Variants in OR2C3 observed in about 807,000 individuals in gnomAD.
The protein encoded by OR2C3 is olfactory receptor 2C3.
For missense variants in OR2C3, 425 were observed against 401.5 expected (o/e 1.06, Z -0.50); for synonymous variants, 178 against 163.4 (o/e 1.09, Z -0.68).
Position 247,531,736 on chromosome 1 carries a change from A to C in OR2C3, c.776T>G (p.Met259Arg), listed in dbSNP as rs770566998. ...GGTGCTCTTGGCTGGCTGGAGATACATGAAGATGATGCTCCCGTAAAACAG... is the reference window on the plus strand; with the variant it reads ...GGTGCTCTTGGCTGGCTGGAGATACCTGAAGATGATGCTCCCGTAAAACAG... ...VSLFYGSIIF[M>R]YLQPAKSTSH... The change falls in exon 3 of 3, where the codon ATG (methionine) becomes AGG (arginine). Residue 259 changes from methionine to arginine, a missense_variant. Coordinates refer to ENST00000641802, the MANE Select transcript of OR2C3 (RefSeq NM_198074.6). 1 of 1,614,212 alleles carries C rather than the reference A, an allele frequency of 6.2e-7. No homozygotes were observed. Among genetic ancestry groups the C allele is most frequent in the Admixed American group, 1.7e-5 (1 of 60,018 alleles).
intron 1 of OR2C3, among the ~76,000 whole-genome samples, chr1:247,535,199 C>T (rs1240178107): frequency 6.6e-6 from 1 of 152,088 alleles, no homozygotes; most frequent in East Asian, 1.9e-4. Context: ...CCTGTAGTCT[C>T]AGCTACTTGG....
intron 1 of OR2C3, among the ~76,000 whole-genome samples, chr1:247,535,307 C>G (rs1364074819): frequency 6.6e-6 from 1 of 152,004 alleles, no homozygotes; most frequent in African/African-American, 2.4e-5. Flanking sequence ...AGAGCAAGAC[C>G]CTGTCTCAAA....
rs1667006122 is a variant in OR2C3 at position 247,532,183 on chromosome 1, GC to G, written c.328del (p.Ala110GlnfsTer36). ...VQFYISHWLG[A>X]TECVLLATMS... ...GGTGGCCAGCAGGACACACTCGGTT[GC>G]CCCCAGCCAATGGGAGATATAGAAC... On this transcript the variant is annotated frameshift_variant, in exon 3 of 3. Transcript: ENST00000641802. LOFTEE classifies it low-confidence loss of function (END_TRUNC). 1 of 1,613,984 alleles carries G rather than the reference GC, an allele frequency of 6.2e-7. No homozygotes were observed. The highest frequency in any genetic ancestry group is 1.3e-5 in the African/African-American group (1 of 74,896).
Position 247,532,552 on chromosome 1 carries a change from G to C in OR2C3, c.-29-12C>G. 6.3e-7 allele frequency: 1 copy of C among 1,591,322 alleles called. No individual in the cohort carries two copies. On this transcript the variant is annotated splice_polypyrimidine_tract_variant and intron_variant, in intron 2 of 2. Coordinates refer to ENST00000641802, the MANE Select transcript of OR2C3 (RefSeq NM_198074.6). Reference sequence around the variant, plus strand: ...GGGCAAAAGGCCACCTGTGGGAAGAGCACAGGGCATACAGGGCATGAGACA... The same window carrying C: ...GGGCAAAAGGCCACCTGTGGGAAGACCACAGGGCATACAGGGCATGAGACA...
At position 247,532,454 on chromosome 1, in the gene OR2C3, T is replaced by C. The variant is rs6697472; in HGVS notation, c.58A>G (p.Thr20Ala). Reference sequence around the variant, plus strand: ...AGGACAGTTTCTAGTGAGGGTCGTGTGGAGAAGCCCAGGAGGACAAAGACT... The same window carrying C: ...AGGACAGTTTCTAGTGAGGGTCGTGCGGAGAAGCCCAGGAGGACAAAGACT... ...PEVFVLLGFS[T>A]RPSLETVLFI... Residue 20 changes from threonine to alanine, a missense_variant, in exon 3 of 3, where the codon ACA becomes GCA. By Grantham distance (58) the Thr-to-Ala change is moderately conservative. Transcript: ENST00000641802. The C allele has an allele frequency of 1, 1,606,695 of 1,614,006 alleles. 799,880 individuals carry two copies. Among genetic ancestry groups the C allele is most frequent in the East Asian group, 1 (44,864 of 44,866 alleles).
Position 247,525,767 on chromosome 1 carries a change from T to TG in OR2C3, c.*5781dup, listed in dbSNP as rs2103323264. 6.6e-6 allele frequency: 1 copy of TG among 152,348 alleles called. No individual in the cohort carries two copies. Among genetic ancestry groups the TG allele is most frequent in the South Asian group, 2.1e-4 (1 of 4,830 alleles). The allele number at this position is 152,348 out of a possible 1,614,324, so 9.4% of individuals were successfully genotyped here. On this transcript the variant is annotated 3_prime_UTR_variant, in exon 3 of 3. Coordinates refer to ENST00000641802, the MANE Select transcript of OR2C3 (RefSeq NM_198074.6). ...CATCCCTTCTTCCCTCCATGGAGGT[T>TG]GGGGGCTGGGTCTGACTATCTTAAT... is the stretch of plus-strand genomic sequence containing the variant.
rs369782347 is a variant in OR2C3, at chr1:247,531,986, C to T, written c.526G>A (p.Asp176Asn). Reference protein sequence around the residue: ...LLPLCGNNCIDHFFCEMPLIM... With the variant: ...LLPLCGNNCINHFFCEMPLIM... The stretch of plus-strand genomic sequence containing the variant: ...AGGGGCATCTCGCAAAAGAAGTGGT[C>T]GATGCAATTGTTCCCACACAGCGGT... Residue 176 changes from aspartate (D) to asparagine (N), a missense_variant, in exon 3 of 3, where the codon GAC (aspartate) becomes AAC (asparagine). Asp to Asn is a conservative substitution (Grantham distance 23). Transcript: ENST00000641802. 8.1e-6 allele frequency: 13 copies of T among 1,613,938 alleles called. No homozygotes were observed. The highest frequency in any genetic ancestry group is 6.7e-5 in the East Asian group (3 of 44,882).
Position 247,531,417 on chromosome 1 carries a change from CTCCTT to C in OR2C3, c.*127_*131del. On this transcript the variant is annotated 3_prime_UTR_variant, in exon 3 of 3. Coordinates refer to ENST00000641802, the MANE Select transcript of OR2C3 (RefSeq NM_198074.6). ...TTGGTCTGGAAATGGCATGAGCACA[CTCCTT>C]TCAGATTTCCATCTACCTTGAGCTC... 1 of 845,408 alleles carries C rather than the reference CTCCTT, an allele frequency of 1.2e-6. No individual in the cohort carries two copies. Among genetic ancestry groups the C allele is most frequent in the Non-Finnish European group, 1.9e-6 (1 of 537,260 alleles). The allele number at this position is 845,408 out of a possible 1,614,324, so 52.4% of individuals were successfully genotyped here.
chr1:247,531,171 G>A lies in OR2C3; in HGVS notation c.*378C>T. ...CTGGGAGGGCTCCGGGGGCTCTGGG[G>A]AACAGGCCGGCTCCGGTCTCCCCGC... On this transcript the variant is annotated 3_prime_UTR_variant, in exon 3 of 3. Coordinates refer to ENST00000641802, the MANE Select transcript of OR2C3 (RefSeq NM_198074.6). 1 of 217,254 alleles carries A rather than the reference G, an allele frequency of 4.6e-6. No individual in the cohort carries two copies. The highest frequency in any genetic ancestry group is 9.2e-6 in the Non-Finnish European group (1 of 108,248). 13.5% of individuals were successfully genotyped at this position (217,254 alleles called of 1,614,324 possible).
At chr1:247,532,562 T>A (rs1667029672) in intron 2 of OR2C3, 22 bp from the exon 3 acceptor site, 1 of 1,564,806 alleles carries the variant, frequency 6.4e-7, no homozygotes, top group Non-Finnish European at 8.7e-7. Context: ...GCACAGGGCA[T>A]ACAGGGCATG....
rs1667024748 is a variant in OR2C3, at chr1:247,532,472, C to G, written c.40G>C (p.Val14Leu). The change falls in exon 3 of 3, where the codon GTC becomes CTC. Residue 14 changes from valine to leucine, a missense_variant. Val to Leu is a conservative substitution (Grantham distance 32, BLOSUM62 1). Transcript: ENST00000641802. ...GGTCGTGTGGAGAAGCCCAGGAGGA[C>G]AAAGACTTCTGGAGAACTCACATTG... ...IANVSSPEVF[V>L]LLGFSTRPSL... The G allele has an allele frequency of 1.2e-6, 2 of 1,613,966 alleles. No individual in the cohort carries two copies. Among genetic ancestry groups the G allele is most frequent in the African/African-American group, 2.7e-5 (2 of 75,004 alleles).
At position 247,525,597 on chromosome 1, in the gene OR2C3, C is replaced by T. The variant is rs1666649168; in HGVS notation, c.*5952G>A. 2 of 152,268 alleles carry T rather than the reference C, an allele frequency of 1.3e-5. No homozygotes were observed. Among genetic ancestry groups the T allele is most frequent in the Non-Finnish European group, 2.9e-5 (2 of 68,064 alleles). The allele number at this position is 152,268 out of a possible 1,614,324, so 9.4% of individuals were successfully genotyped here. A position where few individuals can be genotyped will look rare whatever the true frequency, so the allele number is the denominator to read the frequency against. On this transcript the variant is annotated 3_prime_UTR_variant, in exon 3 of 3. Coordinates refer to ENST00000641802, the MANE Select transcript of OR2C3 (RefSeq NM_198074.6). Reference sequence around the variant, plus strand: ...AAAGGCTGTGGAGCTTGCATGCTCTCTCCAGGTTCACCACCTTCCAGGAAC... The same window carrying T: ...AAAGGCTGTGGAGCTTGCATGCTCTTTCCAGGTTCACCACCTTCCAGGAAC...
At position 247,529,404 on chromosome 1, in the gene OR2C3, T is replaced by G. The variant is rs1039180790; in HGVS notation, c.*2145A>C. ...TGACTGAATGATGGAATGGGCTTTA[T>G]TGAATGATGGAATGGCCTGCTGAAG... On this transcript the variant is annotated 3_prime_UTR_variant, in exon 3 of 3. Transcript: ENST00000641802. 5.3e-5 allele frequency: 8 copies of G among 152,192 alleles called. No homozygotes were observed. Among genetic ancestry groups the G allele is most frequent in the African/African-American group, 1.7e-4 (7 of 41,446 alleles). 9.4% of individuals were successfully genotyped at this position (152,192 alleles called of 1,614,324 possible). A position where few individuals can be genotyped will look rare whatever the true frequency, so the allele number is the denominator to read the frequency against.
rs1379291726 is a variant in OR2C3, at chr1:247,529,889, T to C, written c.*1660A>G. The C allele has an allele frequency of 6.6e-6, 1 of 152,178 alleles. No homozygotes were observed. Among genetic ancestry groups the C allele is most frequent in the Non-Finnish European group, 1.5e-5 (1 of 68,034 alleles). 9.4% of individuals were successfully genotyped at this position (152,178 alleles called of 1,614,324 possible). ...AAGAGGGAATTTTGCCTCCAGACTT[T>C]GAACTCAAGCTGCAACATCAACCTC... is the stretch of plus-strand genomic sequence containing the variant. On this transcript the variant is annotated 3_prime_UTR_variant, in exon 3 of 3. Coordinates refer to ENST00000641802, the MANE Select transcript of OR2C3 (RefSeq NM_198074.6).
At position 247,532,173 on chromosome 1, in the gene OR2C3, A is replaced by G. The variant is rs113430525; in HGVS notation, c.339T>C (p.Cys113=). The stretch of plus-strand genomic sequence containing the variant: ...CATAGGACATGGTGGCCAGCAGGAC[A>G]CACTCGGTTGCCCCCAGCCAATGGG... The part of the protein sequence containing the change: ...YISHWLGATE[C]VLLATMSYDR... The change falls in exon 3 of 3, where the codon TGT becomes TGC. Residue 113 remains cysteine, a synonymous_variant. Transcript: ENST00000641802. 64 of 1,614,092 alleles carry G rather than the reference A, an allele frequency of 4.0e-5. No individual in the cohort carries two copies. The African/African-American group carries it at 7.3e-4, about 18-fold the overall frequency.
chr1:247,532,010 G>A lies in OR2C3; in HGVS notation c.502C>T (p.Pro168Ser). 1 of 1,614,134 alleles carries A rather than the reference G, an allele frequency of 6.2e-7. No homozygotes were observed. Among genetic ancestry groups the A allele is most frequent in the Non-Finnish European group, 8.5e-7 (1 of 1,179,996 alleles). The stretch of plus-strand genomic sequence containing the variant: ...TCGATGCAATTGTTCCCACACAGCG[G>A]TAGGAGCATGGTGAGCGTGGAGCCC... Reference protein sequence around the residue: ...MVGSTLTMLLPLCGNNCIDHF... With the variant: ...MVGSTLTMLLSLCGNNCIDHF... Residue 168 changes from proline to serine, a missense_variant, in exon 3 of 3, where the codon CCG becomes TCG. Coordinates refer to ENST00000641802, the MANE Select transcript of OR2C3 (RefSeq NM_198074.6).
At position 247,526,773 on chromosome 1, in the gene OR2C3, G is replaced by A. The variant is rs1025652733; in HGVS notation, c.*4776C>T. ...TGCAAGAGGAATAAAAGAAAAGATG[G>A]AGCCTAGAAAATTCTGACATATTCG... On this transcript the variant is annotated 3_prime_UTR_variant, in exon 3 of 3. Transcript: ENST00000641802. This position sits in a 1 kb window ranked among gnomAD's most constrained non-coding sequence, Gnocchi z 4.8. 2 of 359,744 alleles carry A rather than the reference G, an allele frequency of 5.6e-6. No individual in the cohort carries two copies. Among genetic ancestry groups the A allele is most frequent in the Middle Eastern group, 1.0e-3 (1 of 986 alleles). The allele number at this position is 359,744 out of a possible 1,614,324, so 22.3% of individuals were successfully genotyped here. A position where few individuals can be genotyped will look rare whatever the true frequency, so the allele number is the denominator to read the frequency against.
rs1666932224 is a variant in OR2C3 at position 247,531,144 on chromosome 1, G to A, written c.*405C>T. The A allele has an allele frequency of 5.0e-6, 1 of 200,154 alleles. No homozygotes were observed. Among genetic ancestry groups the A allele is most frequent in the Non-Finnish European group, 1.0e-5 (1 of 97,728 alleles). 12.4% of individuals were successfully genotyped at this position (200,154 alleles called of 1,614,324 possible). On this transcript the variant is annotated 3_prime_UTR_variant, in exon 3 of 3. Transcript: ENST00000641802. ...AGCTCACCCCAGGCGCAGGCCTGAG[G>A]GCTGGGAGGGCTCCGGGGGCTCTGG...
In OR2C3 at chr1:247,527,808, C is replaced by G. The variant is rs1666742035; in HGVS notation, c.*3741G>C. 6.6e-6 allele frequency: 1 copy of G among 152,074 alleles called. No homozygotes were observed. 9.4% of individuals were successfully genotyped at this position (152,074 alleles called of 1,614,324 possible). A position where few individuals can be genotyped will look rare whatever the true frequency, so the allele number is the denominator to read the frequency against. ...AGAATATATTATTGTTATGGTCATC[C>G]CGCAGTGGTATAGAACACTAGAACT... On this transcript the variant is annotated 3_prime_UTR_variant, in exon 3 of 3. Transcript: ENST00000641802. This position sits in a 1 kb window ranked among gnomAD's most constrained non-coding sequence, Gnocchi z 4.6.
Sources: allele counts gnomAD v4.1 joint callset (sites outside exome capture counted in the v4.1 genomes callset), GRCh38; gene constraint gnomAD v4.1.1; non-coding constraint Gnocchi (gnomAD v3.1); transcripts MANE v1.5; gene names NCBI Gene and HGNC (gene_info 2026-07-23, HGNC 2026-07-21).